The following P2RY14 variants were observed in gnomAD, a reference collection of about 807,000 sequenced individuals.
P2RY14 encodes the protein purinergic receptor P2Y14.
A neutral mutation model predicts 0.9 loss-of-function variants in P2RY14; 2 were observed. The observed-to-expected ratio is 2.16, with a 90% CI of 0.88 to 6.79. The LOEUF (loss-of-function observed/expected upper bound fraction) is 6.79. P2RY14 is among the 30% of genes most tolerant of loss of function. P2RY14 has a pLI of 0.05. For missense variants in P2RY14, 378 were observed against 400.1 expected (o/e 0.94, Z 0.47); for synonymous variants, 158 against 147.2 (o/e 1.07, Z -0.53).
intron 1 of P2RY14, among the ~76,000 whole-genome samples, chr3:151,274,327 G>A (rs1741492356): frequency 6.6e-6 from 1 of 152,178 alleles, no homozygotes; most frequent in South Asian, 2.1e-4. Context: ...ATCAAACTCA[G>A]TGATAACAGG....
intron 1 of P2RY14, among the ~76,000 whole-genome samples, chr3:151,271,535 T>C (rs9870740): frequency 0.45 from 68,608 of 151,970 alleles, 15,737 homozygotes; most frequent in Middle Eastern, 0.66. Flanking sequence ...TGTATGTCCA[T>C]AGAAAGACTT....
intron 1 of P2RY14, among the ~76,000 whole-genome samples, chr3:151,239,412 CT>C (rs1193371430): frequency 5.3e-5 from 8 of 152,174 alleles, no homozygotes; most frequent in African/African-American, 1.9e-4. Flanking sequence ...CTTCAACATA[CT>C]TTTAACCTAA....
chr3:151,263,287 G>A (rs1229624658), intron 1 of P2RY14, among the ~76,000 whole-genome samples: 1 of 152,160 alleles, frequency 6.6e-6, no homozygotes, highest in Non-Finnish European at 1.5e-5. Context: ...AATGCCAGCT[G>A]AGTGGACCTC....
chr3:151,252,788 A>G (rs959035131), intron 1 of P2RY14, among the ~76,000 whole-genome samples: 3 of 152,174 alleles, frequency 2.0e-5, no homozygotes, highest in African/African-American at 7.2e-5. Context: ...TACTAACTAG[A>G]TAAGTTCTAG....
intron 1 of P2RY14, among the ~76,000 whole-genome samples, chr3:151,250,632 C>T (rs904344438): frequency 4.6e-5 from 7 of 152,180 alleles, no homozygotes; most frequent in Middle Eastern, 3.4e-3. Flanking sequence ...AATAATATTC[C>T]GCTCTATGTA....
At chr3:151,265,221 A>G (rs1559957758) in intron 1 of P2RY14, among the ~76,000 whole-genome samples, 1 of 152,178 alleles carries the variant, frequency 6.6e-6, no homozygotes, top group Non-Finnish European at 1.5e-5. Flanking sequence ...AAGGGGAGCT[A>G]CTCATAGAAT....
chr3:151,248,121 C>A (rs1470708359), intron 1 of P2RY14, among the ~76,000 whole-genome samples: 1 of 151,716 alleles, frequency 6.6e-6, no homozygotes, highest in Non-Finnish European at 1.5e-5. Flanking sequence ...TTGCCATCCA[C>A]AAGTTAAAAC....
intron 1 of P2RY14, among the ~76,000 whole-genome samples, chr3:151,268,252 C>T (rs181237120): frequency 7.6e-6 from 1 of 131,378 alleles, no homozygotes; most frequent in Admixed American, 8.1e-5. Flanking sequence ...ACATTTATTA[C>T]TTATATATAT....
chr3:151,220,086 G>T (rs1033384366), intron 1 of P2RY14, among the ~76,000 whole-genome samples: 2 of 148,546 alleles, frequency 1.3e-5, no homozygotes, highest in African/African-American at 5.0e-5. Flanking sequence ...CCTATGCATT[G>T]TAAGATGTTT....
chr3:151,228,514 C>G (rs1231197980), intron 1 of P2RY14, among the ~76,000 whole-genome samples: 1 of 152,300 alleles, frequency 6.6e-6, no homozygotes, highest in African/African-American at 2.4e-5. Context: ...TTCAGGGCTG[C>G]AGGAGGCACA....
At chr3:151,221,738 T>C (rs1170710766) in intron 1 of P2RY14, among the ~76,000 whole-genome samples, 2 of 152,224 alleles carry the variant, frequency 1.3e-5, no homozygotes, top group Non-Finnish European at 2.9e-5. Context: ...GGCAGAAGTT[T>C]GCTGCAGGGG....
intron 1 of P2RY14, among the ~76,000 whole-genome samples, chr3:151,234,109 C>G (rs1052139982): frequency 1.3e-5 from 2 of 152,240 alleles, no homozygotes; most frequent in Admixed American, 1.3e-4. Flanking sequence ...CCTGCAGATG[C>G]ATGCCAGGAA....
intron 1 of P2RY14, among the ~76,000 whole-genome samples, chr3:151,220,915 T>G (rs1729214524): frequency 6.6e-6 from 1 of 152,202 alleles, no homozygotes; most frequent in Non-Finnish European, 1.5e-5. Context: ...TGGAACAGTT[T>G]GGAGGGCTCA....
At chr3:151,245,344 G>C (rs1186954880) in intron 1 of P2RY14, among the ~76,000 whole-genome samples, 1 of 151,824 alleles carries the variant, frequency 6.6e-6, no homozygotes, top group East Asian at 1.9e-4. Context: ...CAATATCCTT[G>C]ATGAACATTG....
intron 1 of P2RY14, among the ~76,000 whole-genome samples, chr3:151,263,522 T>C (rs2149510645): frequency 6.6e-6 from 1 of 152,346 alleles, no homozygotes; most frequent in East Asian, 1.9e-4. Flanking sequence ...ACTTGGGTCA[T>C]ATCAACTTTC....
intron 1 of P2RY14, among the ~76,000 whole-genome samples, chr3:151,230,569 G>GA (rs1731461346): frequency 7.0e-6 from 1 of 142,940 alleles, no homozygotes; most frequent in South Asian, 2.3e-4. Context: ...TTTACTCCAC[G>GA]CTTTTTTTTT....
chr3:151,247,848 A>G (rs1445708300), intron 1 of P2RY14, among the ~76,000 whole-genome samples: 1 of 151,884 alleles, frequency 6.6e-6, no homozygotes, highest in Admixed American at 6.6e-5. Flanking sequence ...CAAGAGTCAC[A>G]GTTTTTAAAA....
intron 1 of P2RY14, among the ~76,000 whole-genome samples, chr3:151,235,692 C>CAAAT (rs139535921): frequency 0.011 from 1,695 of 149,062 alleles, 33 homozygotes; most frequent in African/African-American, 0.039. Flanking sequence ...GACTCCATCT[C>CAAAT]AAATAAATAA....
At chr3:151,214,991 A>C (rs1727908529) in intron 2 of P2RY14, among the ~76,000 whole-genome samples, 1 of 152,214 alleles carries the variant, frequency 6.6e-6, no homozygotes, top group South Asian at 2.1e-4. Context: ...GACGGACCTT[A>C]CTTTTAGAAA....
Sources: gnomAD v4.1 joint callset for allele counts (sites outside exome capture counted in the v4.1 genomes callset) on GRCh38, gnomAD v4.1.1 for gene constraint, MANE v1.5 for transcripts, NCBI Gene and HGNC (gene_info 2026-07-23, HGNC 2026-07-21) for gene names.